Variants in RIN2 observed in about 807,000 individuals in gnomAD.
The protein encoded by RIN2 is Ras and Rab interactor 2.
A neutral mutation model predicts 78.0 loss-of-function variants in RIN2; 36 were observed. The observed-to-expected ratio is 0.46, with a 90% CI of 0.35 to 0.61. RIN2 has a LOEUF of 0.61. Among genes scored for constraint, RIN2 ranks in the 20% least tolerant of loss-of-function variants. The pLI, the probability that RIN2 is intolerant of heterozygous loss-of-function variation, is 0.00. For synonymous variants in RIN2, 466 were observed against 466.8 expected, an observed-to-expected ratio of 1.00 and a Z score of 0.02; for missense variants, 1,087 against 1,159.7, an observed-to-expected ratio of 0.94 and a Z score of 0.91.
chr20:19,909,339 G>A (rs887703096), intron 3 of RIN2, among the ~76,000 whole-genome samples: 1 of 152,134 alleles, frequency 6.6e-6, no homozygotes, highest in Non-Finnish European at 1.5e-5. Context: ...AATGCCTTCA[G>A]AGGTTCCCAA....
At chr20:19,883,910 A>G (rs1214271193) in intron 2 of RIN2, among the ~76,000 whole-genome samples, 1 of 150,228 alleles carries the variant, frequency 6.7e-6, no homozygotes, top group Non-Finnish European at 1.5e-5. Flanking sequence ...AAAAAAGGTT[A>G]CTCTTAGAAA....
At chr20:19,928,947 T>C (rs1197245549) in intron 3 of RIN2, among the ~76,000 whole-genome samples, 2 of 152,144 alleles carry the variant, frequency 1.3e-5, no homozygotes, top group African/African-American at 4.8e-5. Context: ...TCCGTTGAGG[T>C]CTGCTGTGCT....
chr20:19,857,050 A>G (rs1600635204), intron 2 of RIN2, among the ~76,000 whole-genome samples: 1 of 152,144 alleles, frequency 6.6e-6, no homozygotes, highest in South Asian at 2.1e-4. Context: ...TTAGGCAGAG[A>G]CCCCGGTAGC....
chr20:19,816,521 G>A (rs1181154850), intron 2 of RIN2, among the ~76,000 whole-genome samples: 1 of 152,178 alleles, frequency 6.6e-6, no homozygotes, highest in Non-Finnish European at 1.5e-5. Flanking sequence ...ATCAAATTCT[G>A]GTTTGATCCT....
At chr20:19,779,538 T>C (rs1289215142) in intron 1 of RIN2, among the ~76,000 whole-genome samples, 1 of 152,136 alleles carries the variant, frequency 6.6e-6, no homozygotes, top group Non-Finnish European at 1.5e-5. Flanking sequence ...AAGCTGGGAT[T>C]TGAATAAGAA....
At chr20:19,877,728 C>T (rs1030067357) in intron 2 of RIN2, among the ~76,000 whole-genome samples, 14 of 152,050 alleles carry the variant, frequency 9.2e-5, no homozygotes, top group African/African-American at 3.4e-4. Flanking sequence ...GGACTAAAAG[C>T]AGTGGTGGGG....
intron 1 of RIN2, among the ~76,000 whole-genome samples, chr20:19,775,050 TAC>T (rs1233294068): frequency 1.3e-5 from 2 of 152,190 alleles, no homozygotes; most frequent in Admixed American, 1.3e-4. Flanking sequence ...GCCAGAGCAA[TAC>T]AGAGTTCCAC....
intron 3 of RIN2, among the ~76,000 whole-genome samples, chr20:19,896,356 T>G (rs1226033276): frequency 1.3e-5 from 2 of 151,974 alleles, no homozygotes; most frequent in African/African-American, 4.8e-5. Context: ...ACCCAGCTAA[T>G]TTTTTGTATT....
intron 3 of RIN2, among the ~76,000 whole-genome samples, chr20:19,933,805 T>G (rs998919892): frequency 6.6e-6 from 1 of 152,136 alleles, no homozygotes; most frequent in Non-Finnish European, 1.5e-5. Flanking sequence ...TTTAAAATTA[T>G]TATTGTTGTT....
intron 2 of RIN2, among the ~76,000 whole-genome samples, chr20:19,861,540 ATCACCCTCCTTATC>A (rs2037335026): frequency 2.0e-5 from 3 of 151,534 alleles, no homozygotes; most frequent in African/African-American, 7.3e-5. Context: ...TCCATATCTG[ATCACCCTCCTTATC>A]TGATCACCCT....
At chr20:19,941,418 CTG>C (rs1442234295) in intron 4 of RIN2, among the ~76,000 whole-genome samples, 1 of 152,212 alleles carries the variant, frequency 6.6e-6, no homozygotes, top group Non-Finnish European at 1.5e-5. Flanking sequence ...ATTAGCGACT[CTG>C]TGGCTTTTTG....
chr20:19,975,656 A>G lies in RIN2; in HGVS notation c.1631A>G (p.Lys544Arg). The G allele has an allele frequency of 6.2e-7, 1 of 1,613,718 alleles. No individual in the cohort carries two copies. The highest frequency in any genetic ancestry group is 8.5e-7 in the Non-Finnish European group (1 of 1,179,868). Reference protein sequence around the residue: ...QDYVSFLQENKECHVSSTDML... With the variant: ...QDYVSFLQENRECHVSSTDML... Reference sequence around the variant, plus strand: ...TACGTGAGCTTCCTGCAGGAGAACAAGGAGTGCCACGTGTCCAGCACCGAC... The same window carrying G: ...TACGTGAGCTTCCTGCAGGAGAACAGGGAGTGCCACGTGTCCAGCACCGAC... Residue 544 changes from lysine (K) to arginine (R), a missense_variant, in exon 9 of 13, where the codon AAG becomes AGG. Transcript: ENST00000255006. This position sits in a 1 kb window ranked among gnomAD's most constrained non-coding sequence, Gnocchi z 4.9.
chr20:19,771,571 G>A (rs1300997566), intron 1 of RIN2, among the ~76,000 whole-genome samples: 4 of 152,134 alleles, frequency 2.6e-5, no homozygotes, highest in East Asian at 3.9e-4. Flanking sequence ...CACGGCTGTC[G>A]GTCTCGAGGG....
intron 2 of RIN2, among the ~76,000 whole-genome samples, chr20:19,833,533 A>G (rs1983726943): frequency 6.6e-6 from 1 of 152,242 alleles, no homozygotes; most frequent in African/African-American, 2.4e-5. Context: ...TTTCTGAGTT[A>G]CTGTTTACAA....
intron 2 of RIN2, among the ~76,000 whole-genome samples, chr20:19,867,413 T>A (rs1215963462): frequency 2.6e-5 from 4 of 152,264 alleles, no homozygotes; most frequent in African/African-American, 4.8e-5. Flanking sequence ...ATCCCAATAA[T>A]GTCATTTACA....
At chr20:19,888,896 A>G (rs6106149) in intron 2 of RIN2, among the ~76,000 whole-genome samples, 42,484 of 152,174 alleles carry the variant, frequency 0.28, 6,806 homozygotes, top group African/African-American at 0.44. Context: ...AAAAAGCTAC[A>G]GTTAGAATTC....
At chr20:19,768,146 C>T (rs898476339) in intron 1 of RIN2, among the ~76,000 whole-genome samples, 14 of 152,148 alleles carry the variant, frequency 9.2e-5, no homozygotes, top group African/African-American at 3.1e-4. Flanking sequence ...TGCCTGGTCT[C>T]TCCCTATGTT....
chr20:19,974,729 T>G lies in RIN2; in HGVS notation c.704T>G (p.Val235Gly), dbSNP rs372178193. ...CATAGGCCTCTTTCCTCCGACGGTG[T>G]CTGTCCTGCCTCCCTGCGTCAGCTC... ...PPHRPLSSDG[V>G]CPASLRQLCL... Residue 235 changes from valine (V) to glycine (G), a missense_variant, in exon 9 of 13, where the codon GTC (valine) becomes GGC (glycine). By Grantham distance (109) the Val-to-Gly change is moderately radical. Transcript: ENST00000255006. The G allele has an allele frequency of 7.4e-6, 12 of 1,613,888 alleles. No homozygotes were observed. Among genetic ancestry groups the G allele is most frequent in the Non-Finnish European group, 1.0e-5 (12 of 1,179,902 alleles).
intron 3 of RIN2, among the ~76,000 whole-genome samples, chr20:19,907,908 TAATA>T (rs1340512067): frequency 9.9e-5 from 15 of 152,148 alleles, no homozygotes; most frequent in African/African-American, 3.1e-4. Flanking sequence ...AAGGTGGGAT[TAATA>T]AATCCCTGTC....
Sources: allele counts gnomAD v4.1 joint callset (sites outside exome capture counted in the v4.1 genomes callset), GRCh38; gene constraint gnomAD v4.1.1; non-coding constraint Gnocchi (gnomAD v3.1); transcripts MANE v1.5; gene names NCBI Gene and HGNC (gene_info 2026-07-23, HGNC 2026-07-21).